Variants in PUS10 observed in about 807,000 individuals in gnomAD.
The protein encoded by PUS10 is pseudouridine synthase 10.
Under a neutral mutation model 75.0 loss-of-function variants are expected in PUS10, and 59 were observed. The ratio of observed to expected loss-of-function variants is 0.79; its 90% CI spans 0.64 to 0.98. The LOEUF is 0.98. Among genes scored for constraint, PUS10 ranks in the 50% least tolerant of loss-of-function variants. PUS10 has a pLI of 0.00. For missense variants in PUS10, 650 were observed against 614.4 expected, an observed-to-expected ratio of 1.06 and a Z score of -0.61; for synonymous variants, 219 against 211.6, an observed-to-expected ratio of 1.03 and a Z score of -0.30.
At chr2:61,017,666 G>C (rs960497922) in intron 1 of PUS10, 3 of 990,832 alleles carry the variant, frequency 3.0e-6, no homozygotes, top group Non-Finnish European at 4.5e-6. Context: ...GGACGGCTCG[G>C]TGTTCTGCCC....
intron 15 of PUS10, among the ~76,000 whole-genome samples, chr2:60,948,751 T>C (rs1675148997): frequency 6.6e-6 from 1 of 152,230 alleles, no homozygotes; most frequent in East Asian, 1.9e-4. Context: ...TAATACCGCA[T>C]GTCTTTTTAC....
rs953704476 is a variant in PUS10 at position 61,017,923 on chromosome 2, G to A, written c.-16+85C>T. 2.8e-6 allele frequency: 4 copies of A among 1,448,686 alleles called. No individual in the cohort carries two copies. In the African/African-American group the frequency reaches 4.2e-5, roughly 15 times the overall value. The allele number at this position is 1,448,686 out of a possible 1,614,324, so 89.7% of individuals were successfully genotyped here. ...GGACTTGGCAGGAGGCGGTTGTAGC[G>A]GTTGTTAGTGGAGGTATTCCCTTCC... On this transcript the variant is annotated intron_variant, in intron 1 of 17. Transcript: ENST00000316752.
chr2:61,014,120 T>C (rs1402196455), intron 1 of PUS10, among the ~76,000 whole-genome samples: 4 of 152,126 alleles, frequency 2.6e-5, no homozygotes, highest in Admixed American at 6.5e-5. Context: ...ACACCTGTAA[T>C]CCCAGCACTT....
At position 61,008,784 on chromosome 2, in the gene PUS10, A is replaced by T; in HGVS notation, c.358T>A (p.Cys120Ser). The change falls in exon 3 of 18, where the codon TGT becomes AGT. Residue 120 changes from cysteine (C) to serine (S), a missense_variant. By Grantham distance (112) the Cys-to-Ser change is moderately radical. Transcript: ENST00000316752. ...ACCTTTTTAATGAAATCTTTCTCAC[A>T]GAATTCTTGAAGAATTCCTAGGCAT... Reference protein sequence around the residue: ...NVCLGILQEFCEKDFIKKVCQ... With the variant: ...NVCLGILQEFSEKDFIKKVCQ... 6.3e-7 allele frequency: 1 copy of T among 1,586,364 alleles called. No homozygotes were observed. Among genetic ancestry groups the T allele is most frequent in the Admixed American group, 1.8e-5 (1 of 55,460 alleles).
intron 15 of PUS10, among the ~76,000 whole-genome samples, chr2:60,949,354 C>T (rs1197175047): frequency 6.6e-6 from 1 of 152,172 alleles, no homozygotes; most frequent in Non-Finnish European, 1.5e-5. Context: ...ATGGAGTCCT[C>T]TCCCCTGCTT....
At chr2:61,013,720 G>A (rs1171234736) in intron 1 of PUS10, among the ~76,000 whole-genome samples, 1 of 152,086 alleles carries the variant, frequency 6.6e-6, no homozygotes, top group Non-Finnish European at 1.5e-5. Context: ...TAGCTTAGCG[G>A]CCAACTATTT....
chr2:60,960,857 A>C (rs972592200), intron 10 of PUS10, among the ~76,000 whole-genome samples: 14 of 151,580 alleles, frequency 9.2e-5, no homozygotes, highest in African/African-American at 3.4e-4. Context: ...AAAAAAAAAA[A>C]AAAAACGCAA....
At chr2:61,014,581 T>A (rs1002343594) in intron 1 of PUS10, among the ~76,000 whole-genome samples, 1 of 152,166 alleles carries the variant, frequency 6.6e-6, no homozygotes, top group Non-Finnish European at 1.5e-5. Flanking sequence ...ACAACCTAAT[T>A]TGTTCAGCAA....
chr2:60,958,700 A>G, intron 11 of PUS10, among the ~76,000 whole-genome samples: 1 of 152,152 alleles, frequency 6.6e-6, no homozygotes, highest in Non-Finnish European at 1.5e-5. Context: ...CCTTGGCAAC[A>G]TGGCAAAACT....
At chr2:60,960,872 A>T (rs1675990023) in intron 10 of PUS10, among the ~76,000 whole-genome samples, 1 of 150,798 alleles carries the variant, frequency 6.6e-6, no homozygotes, top group South Asian at 2.1e-4. Flanking sequence ...ACGCAACCAA[A>T]CTTGCTTTTA....
intron 9 of PUS10, among the ~76,000 whole-genome samples, chr2:60,962,509 G>C (rs1676088365): frequency 6.6e-6 from 1 of 152,154 alleles, no homozygotes; most frequent in East Asian, 1.9e-4. Context: ...GAGAGGCAGA[G>C]GTTGCAGTGA....
At chr2:60,968,268 A>G (rs1369656863) in intron 5 of PUS10, among the ~76,000 whole-genome samples, 1 of 152,144 alleles carries the variant, frequency 6.6e-6, no homozygotes, top group Non-Finnish European at 1.5e-5. Flanking sequence ...GTAACCTAAA[A>G]TTGTGATAGA....
intron 16 of PUS10, among the ~76,000 whole-genome samples, 153 bp from the exon 17 acceptor site, chr2:60,945,261 CA>C (rs1674872731): frequency 6.6e-6 from 1 of 152,176 alleles, no homozygotes; most frequent in Non-Finnish European, 1.5e-5. Context: ...TAAGCTTTGG[CA>C]ATGTGGTCCC....
intron 4 of PUS10, among the ~76,000 whole-genome samples, chr2:61,004,535 A>G (rs1045100481): frequency 3.4e-5 from 5 of 149,072 alleles, no homozygotes; most frequent in Non-Finnish European, 7.4e-5. Context: ...ATGCTGAGGC[A>G]GGAGAACGGC....
rs1202957637 is a variant in PUS10, at chr2:60,941,436, A to G, written c.*959T>C. 1 of 152,328 alleles carries G rather than the reference A, an allele frequency of 6.6e-6. No homozygotes were observed. Among genetic ancestry groups the G allele is most frequent in the East Asian group, 1.9e-4 (1 of 5,338 alleles). 9.4% of individuals were successfully genotyped at this position (152,328 alleles called of 1,614,324 possible). On this transcript the variant is annotated 3_prime_UTR_variant, in exon 18 of 18. Transcript: ENST00000316752. The stretch of plus-strand genomic sequence containing the variant: ...CTAGAAACCAAGAAACTTCAGTTCT[A>G]GTCCTCAATATAGAAGTAGCTAACA...
intron 2 of PUS10, chr2:61,010,531 T>C (rs767824865): frequency 1.1e-5 from 3 of 281,022 alleles, no homozygotes; most frequent in African/African-American, 4.3e-5. Context: ...TTCATCATCT[T>C]GGCCAGGCTG....
chr2:60,943,036 G>GAGA (rs1558849622), intron 17 of PUS10, among the ~76,000 whole-genome samples: 1 of 78,414 alleles, frequency 1.3e-5, no homozygotes. Context: ...ATCTATCTCA[G>GAGA]AAAAAAAAAA....
chr2:60,997,377 G>A (rs111308964), intron 4 of PUS10, among the ~76,000 whole-genome samples: 3,216 of 152,208 alleles, frequency 0.021, 43 homozygotes, highest in Non-Finnish European at 0.032. Flanking sequence ...TTGAGAGGCC[G>A]AGGTGGGTGG....
At chr2:60,955,962 A>G (rs920556909) in intron 11 of PUS10, among the ~76,000 whole-genome samples, 2 of 152,236 alleles carry the variant, frequency 1.3e-5, no homozygotes, top group Non-Finnish European at 2.9e-5. Flanking sequence ...TTTGACTCTA[A>G]GAAGCAAATT....
Sources: gnomAD v4.1 joint callset for allele counts (sites outside exome capture counted in the v4.1 genomes callset) on GRCh38, gnomAD v4.1.1 for gene constraint, MANE v1.5 for transcripts, NCBI Gene and HGNC (gene_info 2026-07-23, HGNC 2026-07-21) for gene names.